Variants in MRC1 observed in about 807,000 individuals in gnomAD.
MRC1 encodes macrophage mannose receptor 1.
In MRC1, 62 loss-of-function variants were observed where a neutral mutation model predicts 102.9. That is an observed-to-expected ratio of 0.60 (90% confidence interval 0.49 to 0.74). The LOEUF (loss-of-function observed/expected upper bound fraction) is 0.74. Among genes scored for constraint, MRC1 ranks in the 30% least tolerant of loss-of-function variants. The pLI is 0.00. For missense variants in MRC1, 1,237 were observed against 862.8 expected (o/e 1.43, Z -5.43); for synonymous variants, 457 against 298.4 (o/e 1.53, Z -5.48).
chr10:17,832,098 G>A (rs1414657393), intron 3 of MRC1, among the ~76,000 whole-genome samples: 1 of 151,562 alleles, frequency 6.6e-6, no homozygotes, highest in Non-Finnish European at 1.5e-5. Context: ...AGGACCTCAG[G>A]TGCAGGCCCA....
intron 9 of MRC1, among the ~76,000 whole-genome samples, chr10:17,860,096 C>T (rs887611154): frequency 2.0e-5 from 3 of 152,102 alleles, no homozygotes. Flanking sequence ...ATACCACAGC[C>T]TTTAGGATCT....
intron 22 of MRC1, among the ~76,000 whole-genome samples, chr10:17,888,326 G>T (rs1410883556): frequency 6.6e-6 from 1 of 152,162 alleles, no homozygotes; most frequent in Non-Finnish European, 1.5e-5. Flanking sequence ...TAAGTTTCAG[G>T]TTGCCTGATA....
intron 7 of MRC1, among the ~76,000 whole-genome samples, chr10:17,851,149 T>C (rs1838909916): frequency 6.6e-6 from 1 of 152,182 alleles, no homozygotes. Flanking sequence ...TAACTCTACT[T>C]TGTATAACAT....
At chr10:17,838,365 G>A (rs1310119505) in intron 4 of MRC1, among the ~76,000 whole-genome samples, 1 of 152,060 alleles carries the variant, frequency 6.6e-6, no homozygotes, top group Non-Finnish European at 1.5e-5. Flanking sequence ...CTTCCCTTCT[G>A]TTTCTACCCC....
intron 22 of MRC1, among the ~76,000 whole-genome samples, chr10:17,889,670 T>A (rs1833646780): frequency 6.6e-6 from 1 of 152,240 alleles, no homozygotes; most frequent in South Asian, 2.1e-4. Flanking sequence ...TAAGAAAGCA[T>A]CTCCTATTTC....
chr10:17,845,560 A>G (rs1838814289), intron 6 of MRC1, 125 bp downstream of exon 6: 5 of 728,456 alleles, frequency 6.9e-6, no homozygotes, highest in African/African-American at 1.7e-5. Context: ...GGGTAAACTT[A>G]ATGATATTAC....
chr10:17,840,837 T>C (rs1838738938), intron 5 of MRC1, 31 bp downstream of exon 5: 1 of 780,670 alleles, frequency 1.3e-6, no homozygotes, highest in Non-Finnish European at 2.4e-6. Flanking sequence ...GTCGAATTAA[T>C]CCAAATTTAA....
At chr10:17,813,197 C>T (rs927130153) in intron 1 of MRC1, among the ~76,000 whole-genome samples, 23 of 152,136 alleles carry the variant, frequency 1.5e-4, no homozygotes, top group Non-Finnish European at 3.1e-4. Context: ...TGTACTTTTC[C>T]ACATCCCCTT....
At chr10:17,870,971 T>C in intron 14 of MRC1, 36 bp downstream of exon 14, 1 of 858,372 alleles carries the variant, frequency 1.2e-6, no homozygotes, top group East Asian at 2.4e-5. Flanking sequence ...CTTTCTTACT[T>C]TATCGTGTAT....
intron 3 of MRC1, among the ~76,000 whole-genome samples, chr10:17,833,327 C>T (rs1442413903): frequency 6.6e-6 from 1 of 151,900 alleles, no homozygotes; most frequent in Non-Finnish European, 1.5e-5. Flanking sequence ...TTTAGACTAG[C>T]CTGGGCCACA....
At chr10:17,811,218 G>C (rs1838215772) in intron 1 of MRC1, among the ~76,000 whole-genome samples, 1 of 152,146 alleles carries the variant, frequency 6.6e-6, no homozygotes, top group Non-Finnish European at 1.5e-5. Flanking sequence ...GGTGAGTATT[G>C]CATACTTATA....
chr10:17,851,740 G>A (rs1033698685), intron 7 of MRC1, among the ~76,000 whole-genome samples: 7 of 152,318 alleles, frequency 4.6e-5, no homozygotes, highest in South Asian at 4.1e-4. Context: ...AAAAGATCAC[G>A]ATCTGCAAAT....
At chr10:17,899,431 G>A (rs1554843573) in intron 24 of MRC1, among the ~76,000 whole-genome samples, 1 of 152,002 alleles carries the variant, frequency 6.6e-6, no homozygotes. Flanking sequence ...TTTTCATTGT[G>A]GCAATATTTA....
chr10:17,840,051 G>A lies in MRC1; in HGVS notation c.803-642G>A, dbSNP rs1838727222. Reference sequence around the variant, plus strand: ...ACTGAACTCCAGCCTGGGCGACAGTGCAAGACTCCAACTCAAAAAAAAAAA... The same window carrying A: ...ACTGAACTCCAGCCTGGGCGACAGTACAAGACTCCAACTCAAAAAAAAAAA... On this transcript the variant is annotated intron_variant, in intron 4 of 29. Coordinates refer to ENST00000569591, the MANE Select transcript of MRC1 (RefSeq NM_002438.4). 2.6e-5 allele frequency among the ~76,000 whole-genome samples: 3 copies of A among 117,120 alleles called. No individual in the cohort carries two copies. The South Asian group carries it at 8.7e-4, about 34-fold the overall frequency. 76.8% of individuals were successfully genotyped at this position (117,120 alleles called of 152,430 possible).
At chr10:17,898,756 A>G (rs925415814) in intron 24 of MRC1, among the ~76,000 whole-genome samples, 34 of 152,310 alleles carry the variant, frequency 2.2e-4, no homozygotes, top group African/African-American at 7.9e-4. Flanking sequence ...CTTGTATTCC[A>G]TAATAGACTA....
intron 1 of MRC1, among the ~76,000 whole-genome samples, chr10:17,815,612 G>A (rs1361168907): frequency 1.3e-5 from 2 of 152,012 alleles, no homozygotes; most frequent in Non-Finnish European, 2.9e-5. Flanking sequence ...TATCTTTAAG[G>A]TGGTAGGAGG....
chr10:17,828,799 A>G (rs1369605991), intron 3 of MRC1, among the ~76,000 whole-genome samples: 2 of 151,556 alleles, frequency 1.3e-5, no homozygotes, highest in Non-Finnish European at 2.9e-5. Flanking sequence ...CTTAGTGGGA[A>G]AGCACCAGAA....
intron 17 of MRC1, among the ~76,000 whole-genome samples, chr10:17,875,854 G>A (rs1833429365): frequency 6.6e-6 from 1 of 152,174 alleles, no homozygotes. Flanking sequence ...GTTTTGCATA[G>A]TGGTTGTACT....
intron 3 of MRC1, among the ~76,000 whole-genome samples, chr10:17,829,379 C>G (rs924729666): frequency 2.2e-4 from 34 of 151,418 alleles, no homozygotes; most frequent in Admixed American, 4.6e-4. Context: ...ATTTCTGAGC[C>G]CCATATACTA....
Sources: gnomAD v4.1 joint callset for allele counts (sites outside exome capture counted in the v4.1 genomes callset) on GRCh38, gnomAD v4.1.1 for gene constraint, MANE v1.5 for transcripts, NCBI Gene and HGNC (gene_info 2026-07-23, HGNC 2026-07-21) for gene names.